ALK: variants seen among roughly 807,000 people sequenced by gnomAD.
ALK encodes ALK tyrosine kinase receptor.
In ALK, 74 loss-of-function variants were observed where a neutral mutation model predicts 163.1. That is an observed-to-expected ratio of 0.45 (90% confidence interval 0.38 to 0.55). The LOEUF (loss-of-function observed/expected upper bound fraction) is 0.55. Ranked by LOEUF, ALK falls within the 20% of genes least tolerant of loss-of-function variation. The probability of loss-of-function intolerance (pLI) is 0.00; values close to 1 mark genes in which losing one functional copy is unlikely to be tolerated. For synonymous variants in ALK, 960 were observed against 843.2 expected, an observed-to-expected ratio of 1.14 and a Z score of -2.40; for missense variants, 2,063 against 2,105.3, an observed-to-expected ratio of 0.98 and a Z score of 0.39.
chr2:29,283,795 TTA>T (rs796509626), intron 9 of ALK, among the ~76,000 whole-genome samples: 19 of 152,314 alleles, frequency 1.2e-4, no homozygotes, highest in African/African-American at 3.9e-4. Context: ...CTGTTTTATA[TTA>T]TATGTTTACT....
rs767020576 is a variant in ALK, at chr2:29,227,261, G to A, written c.2915-187C>T. Among the ~76,000 whole-genome samples, 1 of 152,192 alleles carries A rather than the reference G, an allele frequency of 6.6e-6. No individual in the cohort carries two copies. Among genetic ancestry groups the A allele is most frequent in the Admixed American group, 6.5e-5 (1 of 15,284 alleles). On this transcript the variant is annotated intron_variant, in intron 17 of 28. Transcript: ENST00000389048. The surrounding 1 kb of genome is among the most constrained non-coding windows in gnomAD (Gnocchi z 4.4). ...ATATAGAGAGTGCAGCGGAGGCAGC[G>A]GGCATGGGTGTCTATGGATGTTTGC...
intron 3 of ALK, among the ~76,000 whole-genome samples, chr2:29,664,093 T>C (rs544874805): frequency 6.6e-6 from 1 of 152,108 alleles, no homozygotes; most frequent in South Asian, 2.1e-4. Context: ...TCTGAAACAT[T>C]TCTCCTACAA....
rs751650447 is a variant in ALK, at chr2:29,355,267, T to A, written c.1283-26786A>T. Among the ~76,000 whole-genome samples the A allele has an allele frequency of 7.2e-5, 11 of 152,322 alleles. No homozygotes were observed. The South Asian group carries it at 1.0e-3, about 14-fold the overall frequency. ...CCCTGTGAAGAAGGCATGGTGGGCATCCTGATTCTCCTATTTTCAGCTGGG... is the reference window on the plus strand; with the variant it reads ...CCCTGTGAAGAAGGCATGGTGGGCAACCTGATTCTCCTATTTTCAGCTGGG... On this transcript the variant is annotated intron_variant, in intron 5 of 28. Transcript: ENST00000389048.
chr2:29,421,555 G>A (rs1176677209), intron 4 of ALK, among the ~76,000 whole-genome samples: 1 of 151,420 alleles, frequency 6.6e-6, no homozygotes, highest in Non-Finnish European at 1.5e-5. Flanking sequence ...GCACAGGCAC[G>A]GACAATATTT....
intron 5 of ALK, among the ~76,000 whole-genome samples, chr2:29,355,828 G>C (rs1479845866): frequency 6.6e-6 from 1 of 152,046 alleles, no homozygotes; most frequent in Non-Finnish European, 1.5e-5. Context: ...CAATGTTTAG[G>C]CTACCCTGAG....
At chr2:29,566,492 C>T (rs761510024) in intron 3 of ALK, among the ~76,000 whole-genome samples, 5 of 152,110 alleles carry the variant, frequency 3.3e-5, no homozygotes, top group Non-Finnish European at 7.4e-5. Context: ...GAAGTGAACT[C>T]TAGACAGTCA....
chr2:29,712,168 C>T (rs1228642381), intron 2 of ALK, among the ~76,000 whole-genome samples: 1 of 152,208 alleles, frequency 6.6e-6, no homozygotes, highest in Non-Finnish European at 1.5e-5. Context: ...CAGGTCAGGG[C>T]CCTCCAGGTG....
chr2:29,592,200 ACT>A (rs1017838408), intron 3 of ALK, among the ~76,000 whole-genome samples: 1 of 151,696 alleles, frequency 6.6e-6, no homozygotes, highest in African/African-American at 2.4e-5. Flanking sequence ...TGCGGGTCTG[ACT>A]CTCATATTCC....
intron 8 of ALK, among the ~76,000 whole-genome samples, chr2:29,298,389 T>G (rs1010312872): frequency 6.6e-6 from 1 of 152,228 alleles, no homozygotes; most frequent in East Asian, 1.9e-4. Flanking sequence ...ATTTCAACTC[T>G]ACCCCTGCTA....
intron 4 of ALK, among the ~76,000 whole-genome samples, chr2:29,414,687 G>A (rs925560116): frequency 1.3e-5 from 2 of 152,184 alleles, no homozygotes; most frequent in Non-Finnish European, 2.9e-5. Context: ...GTGTGTGAGT[G>A]GCACCACTAA....
rs1324745528 is a variant in ALK, at chr2:29,227,705, G to A, written c.2816-33C>T. The A allele has an allele frequency of 6.3e-7, 1 of 1,575,008 alleles. No individual in the cohort carries two copies. Among genetic ancestry groups the A allele is most frequent in the South Asian group, 1.1e-5 (1 of 90,254 alleles). On this transcript the variant is annotated intron_variant, in intron 16 of 28. Coordinates refer to ENST00000389048, the MANE Select transcript of ALK (RefSeq NM_004304.5). This position sits in a 1 kb window ranked among gnomAD's most constrained non-coding sequence, Gnocchi z 4.4. ...GCAAACCAGAGCAGAGTTTAACATGGGGGGTGGGTGCCAAAATCTTAACAC... is the reference window on the plus strand; with the variant it reads ...GCAAACCAGAGCAGAGTTTAACATGAGGGGTGGGTGCCAAAATCTTAACAC...
rs372008367 is a variant in ALK at position 29,227,670 on chromosome 2, C to A, written c.2818G>T (p.Gly940Cys). 3.1e-6 allele frequency: 5 copies of A among 1,613,490 alleles called. No homozygotes were observed. Among genetic ancestry groups the A allele is most frequent in the Non-Finnish European group, 4.2e-6 (5 of 1,179,774 alleles). Reference sequence around the variant, plus strand: ...GGGTCATTGTTTGAGGCTGCATTGCCGCCTGAGTAGCAAACCAGAGCAGAG... The same window carrying A: ...GGGTCATTGTTTGAGGCTGCATTGCAGCCTGAGTAGCAAACCAGAGCAGAG... ...SGGGGGGYIGGNAASNNDPEM... is the reference protein window; with the variant it reads ...SGGGGGGYIGCNAASNNDPEM... The change falls in exon 17 of 29, where the codon GGC becomes TGC. Residue 940 changes from glycine (G) to cysteine (C), a missense_variant and splice_region_variant. Physicochemically the swap from Gly to Cys is radical, Grantham distance 159. Transcript: ENST00000389048. The surrounding 1 kb of genome is among the most constrained non-coding windows in gnomAD (Gnocchi z 4.4).
At chr2:29,710,476 C>T (rs1472820100) in intron 2 of ALK, among the ~76,000 whole-genome samples, 1 of 149,198 alleles carries the variant, frequency 6.7e-6, no homozygotes, top group Non-Finnish European at 1.5e-5. Context: ...CTCCAATCAC[C>T]AGCTTCAACC....
chr2:29,899,901 C>T (rs72857503), intron 1 of ALK, among the ~76,000 whole-genome samples: 5,795 of 151,924 alleles, frequency 0.038, 317 homozygotes, highest in African/African-American at 0.13. Flanking sequence ...CTACTCTGAA[C>T]GGGTCTCTGT....
intron 3 of ALK, among the ~76,000 whole-genome samples, chr2:29,548,724 C>A (rs1673635833): frequency 6.6e-6 from 1 of 152,138 alleles, no homozygotes; most frequent in African/African-American, 2.4e-5. Context: ...CTTCAATAAA[C>A]ATTTGCTGAA....
At chr2:29,406,917 T>C (rs1669599370) in intron 4 of ALK, among the ~76,000 whole-genome samples, 1 of 147,050 alleles carries the variant, frequency 6.8e-6, no homozygotes, top group African/African-American at 2.7e-5. Context: ...AAAAAAAAGT[T>C]ACAACAGAAT....
chr2:29,531,643 A>G (rs1366019806), intron 4 of ALK, among the ~76,000 whole-genome samples: 2 of 152,142 alleles, frequency 1.3e-5, no homozygotes, highest in South Asian at 2.1e-4. Flanking sequence ...ACTTTGGGAA[A>G]TGAACATCTT....
intron 3 of ALK, among the ~76,000 whole-genome samples, chr2:29,573,277 G>A (rs114984065): frequency 4.4e-4 from 67 of 152,264 alleles, no homozygotes; most frequent in African/African-American, 1.6e-3. Context: ...ATAGTTATGC[G>A]TTGGTTTGGT....
chr2:29,281,353 C>T (rs1445509828), intron 9 of ALK, among the ~76,000 whole-genome samples: 4 of 152,146 alleles, frequency 2.6e-5, no homozygotes, highest in East Asian at 1.9e-4. Context: ...TGTGGGCAGC[C>T]TGGTCAAGGA....
Sources: gnomAD v4.1 joint callset for allele counts (sites outside exome capture counted in the v4.1 genomes callset) on GRCh38, gnomAD v4.1.1 for gene constraint, Gnocchi (gnomAD v3.1) non-coding constraint, MANE v1.5 for transcripts, NCBI Gene and HGNC (gene_info 2026-07-23, HGNC 2026-07-21) for gene names.